FAM117A: variants seen among roughly 807,000 people sequenced by gnomAD.
The protein encoded by FAM117A is protein FAM117A.
In FAM117A, 21 loss-of-function variants were observed where a neutral mutation model predicts 44.1. The observed-to-expected ratio is 0.48, with a 90% confidence interval of 0.34 to 0.69. The LOEUF (loss-of-function observed/expected upper bound fraction) is 0.69. FAM117A is among the 30% of genes least tolerant of loss of function. The pLI, the probability that FAM117A is intolerant of heterozygous loss-of-function variation, is 0.01. For synonymous variants in FAM117A, 220 were observed against 238.3 expected (o/e 0.92, Z 0.71); for missense variants, 498 against 589.9 (o/e 0.84, Z 1.61).
At chr17:49,745,676 G>C (rs1185976686) in intron 1 of FAM117A, among the ~76,000 whole-genome samples, 1 of 152,184 alleles carries the variant, frequency 6.6e-6, no homozygotes, top group Admixed American at 6.5e-5. Flanking sequence ...GGGGATAGAG[G>C]AGCAAGTTAG....
chr17:49,712,035 A>G (rs1828826778), intron 7 of FAM117A, among the ~76,000 whole-genome samples: 1 of 152,218 alleles, frequency 6.6e-6, no homozygotes, highest in South Asian at 2.1e-4. Context: ...AATCCTAGCT[A>G]TTCAGAAGGC....
intron 7 of FAM117A, among the ~76,000 whole-genome samples, chr17:49,713,025 GCCA>G (rs1342940445): frequency 6.6e-6 from 1 of 152,106 alleles, no homozygotes; most frequent in Non-Finnish European, 1.5e-5. Flanking sequence ...ACAGATGCCT[GCCA>G]CCATTCTAGG....
intron 1 of FAM117A, among the ~76,000 whole-genome samples, chr17:49,774,005 T>C (rs187904016): frequency 7.0e-4 from 106 of 152,288 alleles, no homozygotes; most frequent in African/African-American, 2.4e-3. Context: ...CTGCCCGCCT[T>C]GGCCTCCCAA....
chr17:49,744,678 G>C (rs1372349579), intron 1 of FAM117A, among the ~76,000 whole-genome samples: 5 of 151,612 alleles, frequency 3.3e-5, no homozygotes, highest in Non-Finnish European at 7.4e-5. Flanking sequence ...TAATGTAAAT[G>C]CTATATAAAT....
intron 1 of FAM117A, among the ~76,000 whole-genome samples, chr17:49,737,788 C>A (rs1246219807): frequency 6.6e-6 from 1 of 152,212 alleles, no homozygotes; most frequent in Admixed American, 6.5e-5. Flanking sequence ...CACAAAGAAG[C>A]TTAGTCTCTG....
At chr17:49,744,593 T>C (rs2073647188) in intron 1 of FAM117A, among the ~76,000 whole-genome samples, 1 of 151,948 alleles carries the variant, frequency 6.6e-6, no homozygotes, top group South Asian at 2.1e-4. Flanking sequence ...GTGCTGGGAT[T>C]ATAGGTGTGA....
At chr17:49,759,709 C>T (rs952121676) in intron 1 of FAM117A, among the ~76,000 whole-genome samples, 5 of 152,146 alleles carry the variant, frequency 3.3e-5, no homozygotes, top group South Asian at 2.1e-4. Flanking sequence ...AAACACCTAT[C>T]CCCCAAGAAA....
chr17:49,741,635 C>A (rs556509402), intron 1 of FAM117A, among the ~76,000 whole-genome samples: 6 of 152,212 alleles, frequency 3.9e-5, no homozygotes, highest in African/African-American at 1.4e-4. Context: ...TGTGATACAG[C>A]ATTTCTGTTA....
At chr17:49,740,728 G>A (rs191854471) in intron 1 of FAM117A, among the ~76,000 whole-genome samples, 3 of 152,316 alleles carry the variant, frequency 2.0e-5, no homozygotes, top group African/African-American at 4.8e-5. Context: ...TTTTTCAGAA[G>A]GACCACCAAT....
chr17:49,744,993 G>A, intron 1 of FAM117A, among the ~76,000 whole-genome samples: 1 of 119,208 alleles, frequency 8.4e-6, no homozygotes, highest in Non-Finnish European at 1.6e-5. Flanking sequence ...CAGCCTGGGA[G>A]ACAGAGCGAG....
intron 1 of FAM117A, among the ~76,000 whole-genome samples, chr17:49,782,722 C>T (rs973125417): frequency 2.7e-5 from 4 of 147,470 alleles, no homozygotes; most frequent in Admixed American, 6.8e-5. Context: ...CCCTTTGTGG[C>T]GGCAATGAGA....
Position 49,727,592 on chromosome 17 carries a change from G to A in FAM117A, c.366+4959C>T, listed in dbSNP as rs1054451029. ...AACTGGACGTGGCCAGACCAAGGAAGCCTTGCCTGGGATTGAGATCCCAGA... is the reference window on the plus strand; with the variant it reads ...AACTGGACGTGGCCAGACCAAGGAAACCTTGCCTGGGATTGAGATCCCAGA... On this transcript the variant is annotated intron_variant, in intron 2 of 7. Transcript: ENST00000240364. Among the ~76,000 whole-genome samples, 9 of 152,284 alleles carry A rather than the reference G, an allele frequency of 5.9e-5. No individual in the cohort carries two copies. The East Asian group carries it at 1.7e-3, about 29-fold the overall frequency.
intron 1 of FAM117A, among the ~76,000 whole-genome samples, chr17:49,741,380 A>G (rs1309071592): frequency 6.6e-6 from 1 of 152,248 alleles, no homozygotes; most frequent in Non-Finnish European, 1.5e-5. Context: ...AGATAAACAA[A>G]AACTGAAAAT....
chr17:49,726,197 G>A (rs2073558712), intron 2 of FAM117A, among the ~76,000 whole-genome samples: 1 of 152,168 alleles, frequency 6.6e-6, no homozygotes, highest in South Asian at 2.1e-4. Context: ...TGAAGTTGTT[G>A]ACATGCTGAC....
chr17:49,736,736 G>C (rs1218656135), intron 1 of FAM117A, among the ~76,000 whole-genome samples: 6 of 152,146 alleles, frequency 3.9e-5, no homozygotes, highest in Non-Finnish European at 8.8e-5. Flanking sequence ...CTGTTCATCT[G>C]TCAGGGCCAG....
Position 49,710,636 on chromosome 17 carries a change from C to T in FAM117A, c.*619G>A, listed in dbSNP as rs2073472730. 6.6e-6 allele frequency: 1 copy of T among 152,530 alleles called. No homozygotes were observed. The highest frequency in any genetic ancestry group is 1.9e-4 in the East Asian group (1 of 5,166). 9.4% of individuals were successfully genotyped at this position (152,530 alleles called of 1,614,324 possible). A position where few individuals can be genotyped will look rare whatever the true frequency, so the allele number is the denominator to read the frequency against. On this transcript the variant is annotated 3_prime_UTR_variant, in exon 8 of 8. Transcript: ENST00000240364. ...GCCAGCTCTCCTCCCCACTACCCAC[C>T]TGGGGCTGGGCGGGCTGGGCTGCTA...
chr17:49,766,077 C>T (rs1200747260), upstream of FAM117A, among the ~76,000 whole-genome samples: 1 of 152,148 alleles, frequency 6.6e-6, no homozygotes, highest in East Asian at 1.9e-4. Flanking sequence ...ATGTTAAGTA[C>T]CATGCATACT....
chr17:49,711,026 G>C lies in FAM117A; in HGVS notation c.*229C>G. The stretch of plus-strand genomic sequence containing the variant: ...AGTGAGGGATGTGGCAGGTACACAG[G>C]TGTGAATTGTGAGCTGCCCAGCTAC... On this transcript the variant is annotated 3_prime_UTR_variant, in exon 8 of 8. Coordinates refer to ENST00000240364, the MANE Select transcript of FAM117A (RefSeq NM_030802.4). 2.0e-6 allele frequency: 1 copy of C among 489,074 alleles called. No individual in the cohort carries two copies. The highest frequency in any genetic ancestry group is 3.6e-6 in the Non-Finnish European group (1 of 277,716). The allele number at this position is 489,074 out of a possible 1,614,324, so 30.3% of individuals were successfully genotyped here. A position where few individuals can be genotyped will look rare whatever the true frequency, so the allele number is the denominator to read the frequency against.
At chr17:49,750,853 T>A (rs575651088) in intron 1 of FAM117A, among the ~76,000 whole-genome samples, 1 of 152,278 alleles carries the variant, frequency 6.6e-6, no homozygotes, top group Non-Finnish European at 1.5e-5. Context: ...ACTACTTTTT[T>A]AAAAACAACA....
Sources: gnomAD v4.1 joint callset for allele counts (sites outside exome capture counted in the v4.1 genomes callset) on GRCh38, gnomAD v4.1.1 for gene constraint, MANE v1.5 for transcripts, NCBI Gene and HGNC (gene_info 2026-07-23, HGNC 2026-07-21) for gene names.